The following MTNR1A variants were observed in gnomAD, a reference collection of about 807,000 sequenced individuals.
The protein encoded by MTNR1A is melatonin receptor 1A.
MTNR1A carries 7 observed loss-of-function variants against 5.5 expected under a neutral mutation model. The ratio of observed to expected loss-of-function variants is 1.28; its 90% CI spans 0.73 to 2.40. The LOEUF (loss-of-function observed/expected upper bound fraction) is 2.40, where lower values mean the gene tolerates loss of function less well. Ranked by LOEUF, MTNR1A falls within the 30% of genes most tolerant of loss-of-function variation. The pLI, the probability that MTNR1A is intolerant of heterozygous loss-of-function variation, is 0.00. For synonymous variants in MTNR1A, 196 were observed against 202.7 expected (o/e 0.97, Z 0.28); for missense variants, 441 against 464.4 (o/e 0.95, Z 0.46).
chr4:186,547,665 T>C (rs1737184029), intron 1 of MTNR1A, among the ~76,000 whole-genome samples: 1 of 152,228 alleles, frequency 6.6e-6, no homozygotes, highest in South Asian at 2.1e-4. Flanking sequence ...AACTTGACTG[T>C]TGACTGCTGC....
chr4:186,550,039 C>T (rs73024791), intron 1 of MTNR1A, among the ~76,000 whole-genome samples: 1,803 of 152,278 alleles, frequency 0.012, 36 homozygotes, highest in African/African-American at 0.041. Context: ...ATGGCATTGC[C>T]GAAAGTGTAT....
At chr4:186,552,935 G>A (rs1323776326) in intron 1 of MTNR1A, among the ~76,000 whole-genome samples, 1 of 152,248 alleles carries the variant, frequency 6.6e-6, no homozygotes, top group Non-Finnish European at 1.5e-5. Context: ...TGCGTCGGCT[G>A]TGGCTGTCCA....
At chr4:186,538,170 C>T (rs958110703) in intron 1 of MTNR1A, among the ~76,000 whole-genome samples, 16 of 152,204 alleles carry the variant, frequency 1.1e-4, no homozygotes, top group Non-Finnish European at 2.2e-4. Flanking sequence ...CTCCCCATCT[C>T]CCACAGCCCC....
Position 186,555,317 on chromosome 4 carries a change from G to A in MTNR1A, c.49C>T (p.Arg17Cys). 6.5e-7 allele frequency: 1 copy of A among 1,546,720 alleles called. No individual in the cohort carries two copies. The highest frequency in any genetic ancestry group is 8.7e-7 in the Non-Finnish European group (1 of 1,145,792). Residue 17 changes from arginine (R) to cysteine (C), a missense_variant, in exon 1 of 2, where the codon CGC (arginine) becomes TGC (cysteine). Arg to Cys is a radical substitution (Grantham distance 180). Transcript: ENST00000307161. The surrounding 1 kb of genome is among the most constrained non-coding windows in gnomAD (Gnocchi z 4.1). ...ALPNASQPVL[R>C]GDGARPSWLA... ...CACGAGGGCCGCGCGCCGTCCCCGCGGAGCACGGGCTGGGAGGCGTTGGGC... is the reference window on the plus strand; with the variant it reads ...CACGAGGGCCGCGCGCCGTCCCCGCAGAGCACGGGCTGGGAGGCGTTGGGC...
At chr4:186,546,594 G>T (rs13128153) in intron 1 of MTNR1A, among the ~76,000 whole-genome samples, 134,857 of 149,082 alleles carry the variant, frequency 0.9, 60,897 homozygotes, top group East Asian at 0.98. Flanking sequence ...CATGAGACAC[G>T]CTGCTCACCT....
At chr4:186,536,185 A>T (rs1413496116) in intron 1 of MTNR1A, among the ~76,000 whole-genome samples, 6 of 152,048 alleles carry the variant, frequency 3.9e-5, no homozygotes, top group Non-Finnish European at 7.4e-5. Context: ...GTCTCTACTA[A>T]AAATACAAAA....
At chr4:186,554,132 C>G (rs1177979587) in intron 1 of MTNR1A, among the ~76,000 whole-genome samples, 1 of 152,010 alleles carries the variant, frequency 6.6e-6, no homozygotes, top group African/African-American at 2.4e-5. Flanking sequence ...CAATCACCTA[C>G]GAAGTGAGCT....
chr4:186,549,598 C>T (rs997558605), intron 1 of MTNR1A, among the ~76,000 whole-genome samples: 1 of 152,192 alleles, frequency 6.6e-6, no homozygotes, highest in African/African-American at 2.4e-5. Flanking sequence ...AGCCAACTTT[C>T]GCATTTCTCT....
rs183442578 is a variant in MTNR1A, at chr4:186,551,142, C to T, written c.184+4040G>A. 5.3e-5 allele frequency among the ~76,000 whole-genome samples: 8 copies of T among 152,236 alleles called. No homozygotes were observed. In the East Asian group the frequency reaches 7.7e-4, roughly 15 times the overall value. ...CAAGTCTGTACAGTACAAGTTACGT[C>T]GTAGGTTTTTGAATGGTAGCCTGCT... On this transcript the variant is annotated intron_variant, in intron 1 of 1. Transcript: ENST00000307161.
chr4:186,539,498 C>T (rs11943499), intron 1 of MTNR1A, among the ~76,000 whole-genome samples: 29,558 of 152,092 alleles, frequency 0.19, 3,526 homozygotes, highest in East Asian at 0.57. Context: ...ACTTAATCGC[C>T]AATGTGATAG....
intron 1 of MTNR1A, among the ~76,000 whole-genome samples, chr4:186,537,746 G>T (rs1736893256): frequency 6.6e-6 from 1 of 152,262 alleles, no homozygotes; most frequent in Non-Finnish European, 1.5e-5. Flanking sequence ...CCCTGAGAAA[G>T]CTCCTGTGCT....
Position 186,533,661 on chromosome 4 carries a change from T to C in MTNR1A, c.*28A>G. 1 of 1,613,018 alleles carries C rather than the reference T, an allele frequency of 6.2e-7. No homozygotes were observed. Among genetic ancestry groups the C allele is most frequent in the South Asian group, 1.1e-5 (1 of 91,004 alleles). ...CAAGAGCGAGGCCTTGCGCAGCGTG[T>C]CCATCTCACCCGGAACGTGGTGCTT... On this transcript the variant is annotated 3_prime_UTR_variant, in exon 2 of 2. Transcript: ENST00000307161.
At chr4:186,552,950 C>G (rs540031660) in intron 1 of MTNR1A, among the ~76,000 whole-genome samples, 1 of 152,334 alleles carries the variant, frequency 6.6e-6, no homozygotes, top group South Asian at 2.1e-4. Context: ...TGTCCACTGT[C>G]CCCGCCATGC....
chr4:186,536,345 T>TAA (rs1560893135), intron 1 of MTNR1A, among the ~76,000 whole-genome samples: 2 of 142,594 alleles, frequency 1.4e-5, no homozygotes, highest in Middle Eastern at 3.6e-3. Context: ...AAACTCCGTA[T>TAA]CAAAAAAAAA....
At chr4:186,554,704 T>A (rs1439948013) in intron 1 of MTNR1A, among the ~76,000 whole-genome samples, 5 of 152,194 alleles carry the variant, frequency 3.3e-5, no homozygotes, top group African/African-American at 9.7e-5. Flanking sequence ...GAGCCTCTCT[T>A]TCCACTGTAG....
chr4:186,551,869 C>A lies in MTNR1A; in HGVS notation c.184+3313G>T, dbSNP rs143263880. Among the ~76,000 whole-genome samples, 56 of 152,234 alleles carry A rather than the reference C, an allele frequency of 3.7e-4. 1 individual carries two copies. In the East Asian group the frequency reaches 9.4e-3, roughly 26 times the overall value. ...CAAGAGAGGCTTCACACAGAGTCAG[C>A]CATCCAGCCATAGAGCCATTCTGGG... On this transcript the variant is annotated intron_variant, in intron 1 of 1. Coordinates refer to ENST00000307161, the MANE Select transcript of MTNR1A (RefSeq NM_005958.4).
At chr4:186,544,112 C>A (rs112074701) in intron 1 of MTNR1A, among the ~76,000 whole-genome samples, 1 of 152,276 alleles carries the variant, frequency 6.6e-6, no homozygotes, top group African/African-American at 2.4e-5. Context: ...CCCACCCCCA[C>A]TGGGTTCAAG....
intron 1 of MTNR1A, among the ~76,000 whole-genome samples, chr4:186,546,640 C>G (rs753676624): frequency 2.7e-5 from 4 of 150,230 alleles, no homozygotes; most frequent in Non-Finnish European, 4.4e-5. Context: ...CCATCCGCCT[C>G]GCTCCCTGTT....
At chr4:186,551,054 C>T (rs1169348116) in intron 1 of MTNR1A, among the ~76,000 whole-genome samples, 2 of 152,190 alleles carry the variant, frequency 1.3e-5, no homozygotes, top group Admixed American at 6.5e-5. Flanking sequence ...ACTACAGCAG[C>T]GCCAACAAGA....
Sources: allele counts gnomAD v4.1 joint callset (sites outside exome capture counted in the v4.1 genomes callset), GRCh38; gene constraint gnomAD v4.1.1; non-coding constraint Gnocchi (gnomAD v3.1); transcripts MANE v1.5; gene names NCBI Gene and HGNC (gene_info 2026-07-23, HGNC 2026-07-21).